DNM1: variants seen among roughly 807,000 people sequenced by gnomAD.
DNM1 encodes the protein dynamin-1.
A neutral mutation model predicts 104.6 loss-of-function variants in DNM1; 29 were observed. The ratio of observed to expected loss-of-function variants is 0.28; its 90% CI spans 0.21 to 0.38. The LOEUF (loss-of-function observed/expected upper bound fraction) is 0.38. Among genes scored for constraint, DNM1 ranks in the 10% least tolerant of loss-of-function variants. The pLI is 1.00. For missense variants in DNM1, 640 were observed against 1,189.4 expected (o/e 0.54, Z 6.79); for synonymous variants, 445 against 475.8 (o/e 0.94, Z 0.84).
chr9:128,203,437 A>G lies in DNM1; in HGVS notation c.-34A>G, dbSNP rs747901647. 1 of 1,433,624 alleles carries G rather than the reference A, an allele frequency of 7.0e-7. No homozygotes were observed. Among genetic ancestry groups the G allele is most frequent in the South Asian group, 1.4e-5 (1 of 73,854 alleles). The allele number at this position is 1,433,624 out of a possible 1,614,324, so 88.8% of individuals were successfully genotyped here. A position where few individuals can be genotyped will look rare whatever the true frequency, so the allele number is the denominator to read the frequency against. ...AGTCGGAGCCGGGAGCGCTAGCGGC[A>G]GCCGGATCGCAGCCTGCGGGGCCCG... On this transcript the variant is annotated 5_prime_UTR_variant, in exon 1 of 22. Coordinates refer to ENST00000372923, the MANE Select transcript of DNM1 (RefSeq NM_004408.4). This position sits in a 1 kb window ranked among gnomAD's most constrained non-coding sequence, Gnocchi z 5.3.
chr9:128,210,356 T>TTAG (rs1834213922), intron 1 of DNM1, among the ~76,000 whole-genome samples: 1 of 147,680 alleles, frequency 6.8e-6, no homozygotes, highest in Non-Finnish European at 1.5e-5. Context: ...GGCATTATTA[T>TTAG]TATTATTATT....
At chr9:128,226,209 G>T (rs373881372) in intron 10 of DNM1, 4 of 1,609,334 alleles carry the variant, frequency 2.5e-6, no homozygotes, top group Admixed American at 1.7e-5. Context: ...GGGCCTGGCC[G>T]TCCATTCCTT....
intron 1 of DNM1, among the ~76,000 whole-genome samples, chr9:128,205,671 C>A (rs1462953149): frequency 6.6e-6 from 1 of 152,124 alleles, no homozygotes; most frequent in Non-Finnish European, 1.5e-5. Context: ...GAGAAGGTGA[C>A]TGTGGGCTCC....
At chr9:128,251,383 T>A in intron 21 of DNM1, 1 of 323,468 alleles carries the variant, frequency 3.1e-6, no homozygotes, top group South Asian at 2.3e-5. Flanking sequence ...GTGGATTTCC[T>A]TCAGCTACCC....
intron 10 of DNM1, chr9:128,232,048 C>A (rs1036343416): frequency 8.8e-6 from 4 of 456,404 alleles, no homozygotes; most frequent in African/African-American, 8.0e-5. Context: ...TCAAAGGGGA[C>A]AGAACTTCTC....
intron 1 of DNM1, among the ~76,000 whole-genome samples, chr9:128,208,957 G>A (rs112300526): frequency 0.017 from 2,530 of 152,276 alleles, 29 homozygotes; most frequent in Middle Eastern, 0.027. Flanking sequence ...GAGCCCAACG[G>A]GTTTGAGAAC....
In DNM1 at chr9:128,227,215, C is replaced by T. The variant is rs10987938; in HGVS notation, c.1335+2826C>T. ...TTTTAGTAGAGATGGGGTTTTGCCA[C>T]GTTGGCCAGGCTGGTCTTGAACCCC... On this transcript the variant is annotated intron_variant, in intron 10 of 21. Coordinates refer to ENST00000372923, the MANE Select transcript of DNM1 (RefSeq NM_004408.4). Among the ~76,000 whole-genome samples the T allele has an allele frequency of 7.9e-5, 12 of 150,966 alleles. No homozygotes were observed. In the South Asian group the frequency reaches 1.5e-3, roughly 18 times the overall value.
At chr9:128,208,272 C>T (rs1834092739) in intron 1 of DNM1, among the ~76,000 whole-genome samples, 1 of 152,104 alleles carries the variant, frequency 6.6e-6, no homozygotes, top group South Asian at 2.1e-4. Context: ...GTTGTCCAGG[C>T]TGGTCTCAAC....
At chr9:128,216,288 G>C (rs925612738) in intron 1 of DNM1, among the ~76,000 whole-genome samples, 2 of 152,290 alleles carry the variant, frequency 1.3e-5, no homozygotes, top group African/African-American at 2.4e-5. Context: ...AAGTTTCCAG[G>C]CTGAGGGTCC....
intron 1 of DNM1, among the ~76,000 whole-genome samples, chr9:128,215,268 C>T (rs543549316): frequency 6.6e-6 from 1 of 152,360 alleles, no homozygotes; most frequent in East Asian, 1.9e-4. Context: ...GGCAGATGGT[C>T]CTTAAACTTA....
In DNM1 at chr9:128,220,304, G is replaced by A. The variant is rs201656136; in HGVS notation, c.812G>A (p.Arg271His). 1.5e-5 allele frequency: 25 copies of A among 1,614,066 alleles called. No homozygotes were observed. The highest frequency in any genetic ancestry group is 2.2e-5 in the East Asian group (1 of 44,894). ...SHPSYRHLAD[R>H]MGTPYLQKVL... Reference sequence around the variant, plus strand: ...CCATCTTATCGCCACTTGGCTGACCGTATGGGCACGCCCTACCTGCAGAAG... The same window carrying A: ...CCATCTTATCGCCACTTGGCTGACCATATGGGCACGCCCTACCTGCAGAAG... Residue 271 changes from arginine (R) to histidine (H), a missense_variant, in exon 6 of 22, where the codon CGT (arginine) becomes CAT (histidine). Physicochemically the swap from Arg to His is conservative, Grantham distance 29 (BLOSUM62 0). Around this residue, in one of 7 missense-constraint regions of DNM1, gnomAD observed 81 missense variants for 99.8 expected, o/e 0.81. Transcript: ENST00000372923. The surrounding 1 kb of genome is among the most constrained non-coding windows in gnomAD (Gnocchi z 5.2).
chr9:128,226,118 G>C, intron 10 of DNM1: 1 of 1,612,854 alleles, frequency 6.2e-7, no homozygotes, highest in Non-Finnish European at 8.5e-7. Context: ...AGTATCAAGT[G>C]TGTGGATATG....
Position 128,247,917 on chromosome 9 carries a change from C to T in DNM1, c.1894-7C>T. On this transcript the variant is annotated splice_polypyrimidine_tract_variant and splice_region_variant and intron_variant, in intron 17 of 21. Coordinates refer to ENST00000372923, the MANE Select transcript of DNM1 (RefSeq NM_004408.4). The surrounding 1 kb of genome is among the most constrained non-coding windows in gnomAD (Gnocchi z 5.1). The stretch of plus-strand genomic sequence containing the variant: ...GCGGTGGCAATGTTGGTGTGTGGGC[C>T]TCCCAGGACAAAGAGAAAGTGAGTG... The T allele has an allele frequency of 6.2e-7, 1 of 1,613,710 alleles. No homozygotes were observed. The highest frequency in any genetic ancestry group is 1.1e-5 in the South Asian group (1 of 91,060).
chr9:128,254,127 G>C lies in DNM1; in HGVS notation c.2535-527G>C. Reference sequence around the variant, plus strand: ...TGCCTGCCCTCCCTGCCTCCCCCAGGGTCCCTTCAGAGGGTCCTGGGTTTT... The same window carrying C: ...TGCCTGCCCTCCCTGCCTCCCCCAGCGTCCCTTCAGAGGGTCCTGGGTTTT... On this transcript the variant is annotated intron_variant, in intron 21 of 21. Coordinates refer to ENST00000372923, the MANE Select transcript of DNM1 (RefSeq NM_004408.4). This position sits in a 1 kb window ranked among gnomAD's most constrained non-coding sequence, Gnocchi z 6.1. 1.6e-6 allele frequency: 2 copies of C among 1,260,390 alleles called. No homozygotes were observed. The highest frequency in any genetic ancestry group is 2.0e-6 in the Non-Finnish European group (2 of 1,007,728). 78.1% of individuals were successfully genotyped at this position (1,260,390 alleles called of 1,614,324 possible).
chr9:128,231,992 G>T (rs1444321493), intron 10 of DNM1: 1 of 456,496 alleles, frequency 2.2e-6, no homozygotes, highest in Non-Finnish European at 4.4e-6. Flanking sequence ...AAAGCTGGCG[G>T]AACATCCTGG....
rs1447227890 is a variant in DNM1 at position 128,254,350 on chromosome 9, A to G, written c.2535-304A>G. On this transcript the variant is annotated intron_variant, in intron 21 of 21. Transcript: ENST00000372923. This position sits in a 1 kb window ranked among gnomAD's most constrained non-coding sequence, Gnocchi z 6.1. Reference sequence around the variant, plus strand: ...GGGAAGCCCGAGGGGGCCGAGCATCAGCCTGAATTGCGGGTGCCCTGCCTG... The same window carrying G: ...GGGAAGCCCGAGGGGGCCGAGCATCGGCCTGAATTGCGGGTGCCCTGCCTG... 1.4e-6 allele frequency: 2 copies of G among 1,405,834 alleles called. No individual in the cohort carries two copies. The highest frequency in any genetic ancestry group is 2.7e-5 in the East Asian group (1 of 36,396). 87.1% of individuals were successfully genotyped at this position (1,405,834 alleles called of 1,614,324 possible). A position where few individuals can be genotyped will look rare whatever the true frequency, so the allele number is the denominator to read the frequency against.
In DNM1 at chr9:128,240,056, A is replaced by C. The variant is rs1341994661; in HGVS notation, c.1557+60A>C. ...GTGAGGGGGCGGAGGGTCCATCGGC[A>C]GTGGGGATCTGCAACGGGTAGGAGG... On this transcript the variant is annotated intron_variant, in intron 14 of 21. Coordinates refer to ENST00000372923, the MANE Select transcript of DNM1 (RefSeq NM_004408.4). This position sits in a 1 kb window ranked among gnomAD's most constrained non-coding sequence, Gnocchi z 5.1. The C allele has an allele frequency of 9.4e-6, 15 of 1,600,620 alleles. No individual in the cohort carries two copies.
chr9:128,205,563 G>A (rs1013806252), intron 1 of DNM1, among the ~76,000 whole-genome samples: 6 of 152,204 alleles, frequency 3.9e-5, no homozygotes, highest in African/African-American at 1.4e-4. Context: ...TCCTCTGACA[G>A]CCGGGTCCTG....
intron 1 of DNM1, among the ~76,000 whole-genome samples, chr9:128,207,679 G>C (rs1834049758): frequency 6.6e-6 from 1 of 152,134 alleles, no homozygotes. Context: ...CTGCCCAGCT[G>C]CTATTTCCTC....
Sources: gnomAD v4.1 joint callset for allele counts (sites outside exome capture counted in the v4.1 genomes callset) on GRCh38, gnomAD v4.1.1 for gene constraint, gnomAD v4.1.1 regional missense constraint, Gnocchi (gnomAD v3.1) non-coding constraint, MANE v1.5 for transcripts, NCBI Gene and HGNC (gene_info 2026-07-23, HGNC 2026-07-21) for gene names.